The following CACNA1C variants were observed in gnomAD, a reference collection of about 807,000 sequenced individuals.
CACNA1C encodes the protein calcium voltage-gated channel subunit alpha1 C.
Under a neutral mutation model 229.0 loss-of-function variants are expected in CACNA1C, and 30 were observed. The observed-to-expected ratio is 0.13, with a 90% CI of 0.10 to 0.18. The LOEUF (loss-of-function observed/expected upper bound fraction) is 0.18, where lower values mean the gene tolerates loss of function less well. Among genes scored for constraint, CACNA1C ranks in the 10% least tolerant of loss-of-function variants. CACNA1C has a pLI of 1.00. For synonymous variants in CACNA1C, 1,114 were observed against 1,132.5 expected (o/e 0.98, Z 0.33); for missense variants, 1,658 against 2,845.0 (o/e 0.58, Z 9.49).
rs2059838316 is a variant in CACNA1C at position 2,067,556 on chromosome 12, A to G, written c.49+13945A>G. Among the ~76,000 whole-genome samples the G allele has an allele frequency of 6.6e-6, 1 of 151,962 alleles. No individual in the cohort carries two copies. The highest frequency in any genetic ancestry group is 2.4e-5 in the African/African-American group (1 of 41,376). On this transcript the variant is annotated intron_variant, in intron 1 of 46. Coordinates refer to ENST00000399655, the MANE Select transcript of CACNA1C (RefSeq NM_000719.7). The surrounding 1 kb of genome is among the most constrained non-coding windows in gnomAD (Gnocchi z 5.3). ...TTATTGGTTTCACAGTTTGGCCTCC[A>G]GAGGGTCTTCTGGGTGCTGACACCA... is the stretch of plus-strand genomic sequence containing the variant.
chr12:2,112,752 C>T (rs2082266334), intron 1 of CACNA1C, among the ~76,000 whole-genome samples: 1 of 152,152 alleles, frequency 6.6e-6, no homozygotes, highest in Non-Finnish European at 1.5e-5. Flanking sequence ...TGATGCCATT[C>T]CCTGCCCTTT....
intron 1 of CACNA1C, among the ~76,000 whole-genome samples, chr12:2,002,815 C>A (rs1291750286): frequency 1.3e-5 from 2 of 152,072 alleles, no homozygotes; most frequent in East Asian, 1.9e-4. Context: ...TGTAGAATAT[C>A]TTTTTATATA....
rs761180384 is a variant in CACNA1C, at chr12:2,686,236, G to A, written c.5751G>A (p.Lys1917=). 1.2e-6 allele frequency: 2 copies of A among 1,613,108 alleles called. No homozygotes were observed. The highest frequency in any genetic ancestry group is 2.2e-5 in the South Asian group (2 of 91,048). The part of the protein sequence containing the change: ...QKDRGGDISQ[K]TVLPLHLVHH... ...ACCGAGGGGGAGACATCTCTCAGAA[G>A]ACAGTCCTGCCCTTGCATCTGGTTC... Residue 1917 remains lysine (K), a synonymous_variant, in exon 45 of 47, where the codon AAG becomes AAA. Transcript: ENST00000399655.
At chr12:2,112,552 CTGGGTG>C (rs1412500815) in intron 1 of CACNA1C, among the ~76,000 whole-genome samples, 1 of 151,912 alleles carries the variant, frequency 6.6e-6, no homozygotes, top group Non-Finnish European at 1.5e-5. Context: ...TGGCTATGAA[CTGGGTG>C]TGGCAGAGAG....
At position 2,226,130 on chromosome 12, in the gene CACNA1C, C is replaced by CAA. The variant is rs1383603437; in HGVS notation, c.477+105701_477+105702insAA. Among the ~76,000 whole-genome samples, 33 of 14,192 alleles carry CAA rather than the reference C, an allele frequency of 2.3e-3. No individual in the cohort carries two copies. In the South Asian group the frequency reaches 0.024, roughly 10 times the overall value. 9.3% of individuals were successfully genotyped at this position (14,192 alleles called of 152,430 possible). On this transcript the variant is annotated intron_variant, in intron 3 of 46. Coordinates refer to ENST00000399655, the MANE Select transcript of CACNA1C (RefSeq NM_000719.7). ...CCGCTTGGATATGGGGACGCGCACA[C>CAA]ACACACACACACACACACACACACA...
intron 8 of CACNA1C, among the ~76,000 whole-genome samples, chr12:2,506,390 G>A (rs1860098): frequency 0.1 from 15,678 of 152,208 alleles, 908 homozygotes; most frequent in Middle Eastern, 0.17. Context: ...CCCTTGCTGG[G>A]TACATAATGT....
At chr12:2,501,586 C>T (rs763486560) in intron 7 of CACNA1C, among the ~76,000 whole-genome samples, 7 of 152,280 alleles carry the variant, frequency 4.6e-5, no homozygotes, top group African/African-American at 1.2e-4. Flanking sequence ...CACAGCCCAT[C>T]GTGGCCAGCA....
intron 30 of CACNA1C, among the ~76,000 whole-genome samples, chr12:2,644,611 C>T (rs2094137069): frequency 6.6e-6 from 1 of 152,186 alleles, no homozygotes; most frequent in African/African-American, 2.4e-5. Flanking sequence ...GGAAAATCCT[C>T]CACCTGGGAG....
At chr12:2,397,425 T>C (rs1004440490) in intron 3 of CACNA1C, among the ~76,000 whole-genome samples, 1 of 152,228 alleles carries the variant, frequency 6.6e-6, no homozygotes, top group South Asian at 2.1e-4. Context: ...AGGGCAATTA[T>C]TCAGAGCCCC....
At chr12:2,037,467 G>C (rs141550014) in intron 1 of CACNA1C, among the ~76,000 whole-genome samples, 1 of 152,176 alleles carries the variant, frequency 6.6e-6, no homozygotes, top group Non-Finnish European at 1.5e-5. Flanking sequence ...GCCCCACTTG[G>C]TCTTGAAATT....
intron 3 of CACNA1C, among the ~76,000 whole-genome samples, chr12:2,171,908 A>G (rs2096496967): frequency 2.0e-5 from 3 of 152,140 alleles, no homozygotes; most frequent in Non-Finnish European, 4.4e-5. Context: ...GACGGCCACT[A>G]TGCACAGAGG....
At chr12:2,465,331 G>A (rs1300662765) in intron 5 of CACNA1C, among the ~76,000 whole-genome samples, 1 of 152,208 alleles carries the variant, frequency 6.6e-6, no homozygotes, top group Non-Finnish European at 1.5e-5. Context: ...CTTGCATAGT[G>A]TAGATGATGA....
Position 2,285,089 on chromosome 12 carries a change from C to T in CACNA1C, c.478-163887C>T, listed in dbSNP as rs1299519699. ...CTGCTCTCTGGGAGGAGGGACGGGC[C>T]GCTAAGTGCTGACGGCAGCCTGTCA... is the stretch of plus-strand genomic sequence containing the variant. On this transcript the variant is annotated intron_variant, in intron 3 of 46. Coordinates refer to ENST00000399655, the MANE Select transcript of CACNA1C (RefSeq NM_000719.7). The surrounding 1 kb of genome is among the most constrained non-coding windows in gnomAD (Gnocchi z 4.2). 1.3e-5 allele frequency among the ~76,000 whole-genome samples: 2 copies of T among 152,150 alleles called. No homozygotes were observed. The highest frequency in any genetic ancestry group is 6.5e-5 in the Admixed American group (1 of 15,270).
rs2097850871 is a variant in CACNA1C at position 2,697,560 on chromosome 12, C to T, written c.*6361C>T. On this transcript the variant is annotated 3_prime_UTR_variant, in exon 47 of 47. Transcript: ENST00000399655. ...TCAAACCCACCTTCATCCCCCAAAC[C>T]AATCTGTATCATGCCTGTTATCAGA... 6.6e-6 allele frequency: 1 copy of T among 152,108 alleles called. No homozygotes were observed. The highest frequency in any genetic ancestry group is 1.5e-5 in the Non-Finnish European group (1 of 68,038). The allele number at this position is 152,108 out of a possible 1,614,324, so 9.4% of individuals were successfully genotyped here.
intron 19 of CACNA1C, among the ~76,000 whole-genome samples, chr12:2,593,923 A>T (rs1306676568): frequency 6.6e-6 from 1 of 152,196 alleles, no homozygotes; most frequent in Non-Finnish European, 1.5e-5. Context: ...CGTAATGGCA[A>T]ATTCAGTGGG....
chr12:2,000,378 G>C lies in CACNA1C; in HGVS notation c.139+29177G>C, dbSNP rs534379707. Among the ~76,000 whole-genome samples the C allele has an allele frequency of 1.1e-4, 17 of 151,852 alleles. No individual in the cohort carries two copies. In the East Asian group the frequency reaches 2.1e-3, roughly 19 times the overall value. ...TGTTTCATCTTAGAGATCTGAATAA[G>C]GATATCTATATATATCAGCACACAT... On this transcript the variant is annotated intron_variant, in intron 1 of 46. Coordinates refer to the CACNA1C transcript ENST00000682462.
intron 3 of CACNA1C, among the ~76,000 whole-genome samples, chr12:2,331,236 A>T (rs2096536828): frequency 6.6e-6 from 1 of 152,244 alleles, no homozygotes; most frequent in African/African-American, 2.4e-5. Context: ...TCTATATCAT[A>T]TGTACATGTA....
At chr12:2,384,156 C>T (rs539013842) in intron 3 of CACNA1C, among the ~76,000 whole-genome samples, 1 of 152,380 alleles carries the variant, frequency 6.6e-6, no homozygotes, top group East Asian at 1.9e-4. Context: ...ACCAGAAACA[C>T]TGTTGCACTC....
rs183341474 is a variant in CACNA1C at position 2,609,876 on chromosome 12, C to T, written c.3559-665C>T. On this transcript the variant is annotated intron_variant, in intron 27 of 46. Transcript: ENST00000399655. Reference sequence around the variant, plus strand: ...CAGTGGCTCATGCCTGTAATCCCAGCACTTTGGGAGGCCAAGGTGGGCGGA... The same window carrying T: ...CAGTGGCTCATGCCTGTAATCCCAGTACTTTGGGAGGCCAAGGTGGGCGGA... 8.5e-4 allele frequency among the ~76,000 whole-genome samples: 130 copies of T among 152,252 alleles called. 3 individuals are homozygous for T. Among genetic ancestry groups the T allele is most frequent in the African/African-American group, 3.0e-3 (125 of 41,544 alleles).
Sources: gnomAD v4.1 joint callset for allele counts (sites outside exome capture counted in the v4.1 genomes callset) on GRCh38, gnomAD v4.1.1 for gene constraint, Gnocchi (gnomAD v3.1) non-coding constraint, MANE v1.5 for transcripts, NCBI Gene and HGNC (gene_info 2026-07-23, HGNC 2026-07-21) for gene names.